Variants in GJB7 observed in about 807,000 individuals in gnomAD.
GJB7 encodes gap junction protein beta 7.
For synonymous variants in GJB7, 87 were observed against 95.2 expected, an observed-to-expected ratio of 0.91 and a Z score of 0.50; for missense variants, 253 against 256.8, an observed-to-expected ratio of 0.99 and a Z score of 0.10.
chr6:87,327,319 C>T (rs184750640), intron 1 of GJB7, among the ~76,000 whole-genome samples: 2,279 of 151,680 alleles, frequency 0.015, 59 homozygotes, highest in African/African-American at 0.052. Context: ...TATGTTAGCT[C>T]GTTATTTTGC....
intron 2 of GJB7, among the ~76,000 whole-genome samples, chr6:87,318,020 G>C (rs1776606817): frequency 6.6e-6 from 1 of 151,620 alleles, no homozygotes; most frequent in African/African-American, 2.4e-5. Flanking sequence ...AATACAAAAT[G>C]ACCTGACATG....
chr6:87,288,146 C>T (rs1043433379), intron 2 of GJB7, among the ~76,000 whole-genome samples: 2 of 152,150 alleles, frequency 1.3e-5, no homozygotes, highest in African/African-American at 4.8e-5. Flanking sequence ...TGCGATCCGC[C>T]CACCTCAGCC....
chr6:87,284,907 A>G lies in GJB7; in HGVS notation c.6T>C (p.Ser2=), dbSNP rs1429661385. Residue 2 remains serine (S), a synonymous_variant, in exon 3 of 3, where the codon AGT becomes AGC. Coordinates refer to ENST00000525899, the MANE Select transcript of GJB7 (RefSeq NM_198568.3). ...TCAGGAGATCTCTGAGGAACATCCA[A>G]CTCATGACTTAGGCTCAAAAGAAGG... is the stretch of plus-strand genomic sequence containing the variant. M[S]WMFLRDLLSG... The G allele has an allele frequency of 3.7e-6, 6 of 1,609,084 alleles. No homozygotes were observed. The highest frequency in any genetic ancestry group is 5.1e-6 in the Non-Finnish European group (6 of 1,176,054).
At chr6:87,323,310 C>T (rs534276977) in intron 1 of GJB7, among the ~76,000 whole-genome samples, 1 of 152,216 alleles carries the variant, frequency 6.6e-6, no homozygotes, top group South Asian at 2.1e-4. Flanking sequence ...TTTTAGGGTA[C>T]ATGTGCACAA....
chr6:87,302,211 C>A (rs1776341085), intron 2 of GJB7, among the ~76,000 whole-genome samples: 1 of 152,144 alleles, frequency 6.6e-6, no homozygotes, highest in Non-Finnish European at 1.5e-5. Flanking sequence ...AAGAAGGCTT[C>A]AGACGATCAA....
chr6:87,316,714 T>C (rs1776589210), intron 2 of GJB7, among the ~76,000 whole-genome samples: 1 of 152,214 alleles, frequency 6.6e-6, no homozygotes, highest in South Asian at 2.1e-4. Context: ...CAAACCCTTT[T>C]GTGGTCTCCT....
At chr6:87,293,720 T>C (rs992717549) in intron 2 of GJB7, among the ~76,000 whole-genome samples, 3 of 152,230 alleles carry the variant, frequency 2.0e-5, no homozygotes, top group Non-Finnish European at 2.9e-5. Flanking sequence ...TGAAGGTGAC[T>C]GTACTGAAGC....
At chr6:87,322,662 G>C (rs550131123) in intron 2 of GJB7, 1 of 152,200 alleles carries the variant, frequency 6.6e-6, no homozygotes, top group African/African-American at 2.4e-5. Flanking sequence ...GTGTTGAGTG[G>C]CTGGGCGCCG....
At chr6:87,320,072 A>T (rs1167317934) in intron 2 of GJB7, among the ~76,000 whole-genome samples, 1 of 152,210 alleles carries the variant, frequency 6.6e-6, no homozygotes, top group African/African-American at 2.4e-5. Context: ...ACAAAAGTAT[A>T]GTCAGATAAA....
chr6:87,317,500 G>A (rs1776600320), intron 2 of GJB7, among the ~76,000 whole-genome samples: 1 of 149,586 alleles, frequency 6.7e-6, no homozygotes, highest in Non-Finnish European at 1.5e-5. Context: ...CGTGATCTCA[G>A]CTCACTGCAA....
intron 1 of GJB7, among the ~76,000 whole-genome samples, chr6:87,327,622 C>A (rs1470118212): frequency 6.6e-6 from 1 of 151,470 alleles, no homozygotes; most frequent in Non-Finnish European, 1.5e-5. Flanking sequence ...GCCAAGAGAT[C>A]CGCTGTTAGT....
At position 87,283,836 on chromosome 6, in the gene GJB7, CT is replaced by C. The variant is rs397841661; in HGVS notation, c.*404del. ...AAAACAGAAAACTGACACAGGGTTTCTTTTTTTTTTTTTTTCCCTGAAAAAT... is the reference window on the plus strand; with the variant it reads ...AAAACAGAAAACTGACACAGGGTTTCTTTTTTTTTTTTTTCCCTGAAAAAT... On this transcript the variant is annotated 3_prime_UTR_variant, in exon 3 of 3. Transcript: ENST00000525899. 11,497 of 112,136 alleles carry C rather than the reference CT, an allele frequency of 0.1. 899 individuals are homozygous for C. The highest frequency in any genetic ancestry group is 0.3 in the African/African-American group (8,314 of 28,098). 6.9% of individuals were successfully genotyped at this position (112,136 alleles called of 1,614,324 possible). A position where few individuals can be genotyped will look rare whatever the true frequency, so the allele number is the denominator to read the frequency against.
At chr6:87,291,962 A>C (rs1776181270) in intron 2 of GJB7, 1 of 152,256 alleles carries the variant, frequency 6.6e-6, no homozygotes, top group South Asian at 2.1e-4. Context: ...GATTAATAAG[A>C]GATCCAGTCA....
At chr6:87,290,119 T>C (rs539895418) in intron 2 of GJB7, among the ~76,000 whole-genome samples, 1 of 152,264 alleles carries the variant, frequency 6.6e-6, no homozygotes, top group East Asian at 1.9e-4. Context: ...CCATCCTCAG[T>C]AGTAAGCAGG....
At chr6:87,298,438 A>G (rs1042089550) in intron 2 of GJB7, among the ~76,000 whole-genome samples, 1 of 152,260 alleles carries the variant, frequency 6.6e-6, no homozygotes, top group African/African-American at 2.4e-5. Flanking sequence ...ATTAGTCTTC[A>G]GTGTTTGCCA....
At chr6:87,303,152 A>C (rs1289035236) in intron 2 of GJB7, among the ~76,000 whole-genome samples, 1 of 152,234 alleles carries the variant, frequency 6.6e-6, no homozygotes, top group East Asian at 1.9e-4. Flanking sequence ...CATCATAATG[A>C]CAGGATCAAA....
chr6:87,326,550 G>A (rs1205890927), intron 1 of GJB7, among the ~76,000 whole-genome samples: 1 of 150,964 alleles, frequency 6.6e-6, no homozygotes, highest in Admixed American at 6.6e-5. Flanking sequence ...GGAGCAGGTT[G>A]TTCAGTTTCC....
At position 87,283,708 on chromosome 6, in the gene GJB7, G is replaced by T. The variant is rs1449727222; in HGVS notation, c.*533C>A. The T allele has an allele frequency of 6.5e-6, 1 of 152,948 alleles. No homozygotes were observed. Among genetic ancestry groups the T allele is most frequent in the African/African-American group, 2.4e-5 (1 of 41,452 alleles). 9.5% of individuals were successfully genotyped at this position (152,948 alleles called of 1,614,324 possible). A position where few individuals can be genotyped will look rare whatever the true frequency, so the allele number is the denominator to read the frequency against. ...CCTTGGCTGCCACTTTGGAAAGATTGCCAGTTCCTTCATTTCAGCTCGGAG... is the reference window on the plus strand; with the variant it reads ...CCTTGGCTGCCACTTTGGAAAGATTTCCAGTTCCTTCATTTCAGCTCGGAG... On this transcript the variant is annotated 3_prime_UTR_variant, in exon 3 of 3. Coordinates refer to ENST00000525899, the MANE Select transcript of GJB7 (RefSeq NM_198568.3).
chr6:87,303,760 A>G (rs879882502), intron 2 of GJB7, among the ~76,000 whole-genome samples: 8 of 152,192 alleles, frequency 5.3e-5, no homozygotes, highest in Non-Finnish European at 1.0e-4. Context: ...TCCAAAATTG[A>G]CCTCATAGTT....
Sources: gnomAD v4.1 joint callset for allele counts (sites outside exome capture counted in the v4.1 genomes callset) on GRCh38, gnomAD v4.1.1 for gene constraint, MANE v1.5 for transcripts, NCBI Gene and HGNC (gene_info 2026-07-23, HGNC 2026-07-21) for gene names.